Variants in SMPD3 observed in about 807,000 individuals in gnomAD.
The protein encoded by SMPD3 is nSMase-2.
In SMPD3, 21 loss-of-function variants were observed where a neutral mutation model predicts 55.7. The ratio of observed to expected loss-of-function variants is 0.38; its 90% CI spans 0.27 to 0.54. The LOEUF is 0.54. Ranked by LOEUF, SMPD3 falls within the 20% of genes least tolerant of loss-of-function variation. The pLI, the probability that SMPD3 is intolerant of heterozygous loss-of-function variation, is 0.80. For synonymous variants in SMPD3, 457 were observed against 404.3 expected (o/e 1.13, Z -1.56); for missense variants, 842 against 899.6 (o/e 0.94, Z 0.82).
At chr16:68,424,988 T>G (rs2090424678) in intron 1 of SMPD3, among the ~76,000 whole-genome samples, 1 of 152,214 alleles carries the variant, frequency 6.6e-6, no homozygotes, top group Non-Finnish European at 1.5e-5. Flanking sequence ...CTGCGATTGC[T>G]GGTATAAGCC....
At position 68,363,815 on chromosome 16, in the gene SMPD3, C is replaced by T. The variant is rs1158020591; in HGVS notation, c.1607G>A (p.Cys536Tyr). ...CTTCTCCTCACCAGGCCCCAGGCGG[C>T]AGGGGTCCCTGTAGTGGGTGAACAG... ...HSLFTHYRDP[C>Y]RLGPGEEKPW... is the part of the protein sequence containing the mutation. The change falls in exon 6 of 9, where the codon TGC becomes TAC. Residue 536 changes from cysteine to tyrosine, a missense_variant. This residue lies in a region of SMPD3 where 649 missense variants were observed against 643.6 expected (regional missense o/e 1.01). Coordinates refer to ENST00000219334, the MANE Select transcript of SMPD3 (RefSeq NM_018667.4). The T allele has an allele frequency of 6.4e-7, 1 of 1,572,116 alleles. No homozygotes were observed. Among genetic ancestry groups the T allele is most frequent in the Non-Finnish European group, 8.6e-7 (1 of 1,158,514 alleles).
At chr16:68,390,748 A>T (rs745545941) in intron 1 of SMPD3, among the ~76,000 whole-genome samples, 11 of 152,350 alleles carry the variant, frequency 7.2e-5, no homozygotes, top group Non-Finnish European at 1.3e-4. Context: ...CACCTATTCA[A>T]GATGGAGTTG....
intron 1 of SMPD3, among the ~76,000 whole-genome samples, chr16:68,429,007 C>A (rs966638240): frequency 6.6e-6 from 1 of 152,206 alleles, no homozygotes; most frequent in African/African-American, 2.4e-5. Context: ...TCTGGCTGCC[C>A]TGTGGGAGAT....
At chr16:68,362,399 G>A (rs148623670) in intron 7 of SMPD3, among the ~76,000 whole-genome samples, 11 of 152,356 alleles carry the variant, frequency 7.2e-5, no homozygotes, top group African/African-American at 1.9e-4. Flanking sequence ...TGGAGCAGGG[G>A]GATGTGACAT....
chr16:68,415,260 G>C (rs1409701276), intron 1 of SMPD3, among the ~76,000 whole-genome samples: 1 of 152,148 alleles, frequency 6.6e-6, no homozygotes, highest in African/African-American at 2.4e-5. Context: ...CTGACATTTG[G>C]GTTTGTGGAG....
intron 2 of SMPD3, among the ~76,000 whole-genome samples, chr16:68,376,567 C>T (rs2089820396): frequency 6.6e-6 from 1 of 152,238 alleles, no homozygotes; most frequent in African/African-American, 2.4e-5. Flanking sequence ...CACAGTTATC[C>T]ATGGATTTGT....
rs1180684651 is a variant in SMPD3 at position 68,404,217 on chromosome 16, T to C, written c.-268-17558A>G. Among the ~76,000 whole-genome samples the C allele has an allele frequency of 6.8e-6, 1 of 146,922 alleles. No homozygotes were observed. The highest frequency in any genetic ancestry group is 6.9e-5 in the Admixed American group (1 of 14,552). ...TTTTTTTTTTGAGATGGAGTTTCGC[T>C]CTTGTTGCCCAGGCTGGACATTACA... On this transcript the variant is annotated intron_variant, in intron 1 of 8. Coordinates refer to ENST00000219334, the MANE Select transcript of SMPD3 (RefSeq NM_018667.4). The surrounding 1 kb of genome is among the most constrained non-coding windows in gnomAD (Gnocchi z 4.0).
chr16:68,409,754 C>T (rs2090283811), intron 1 of SMPD3, among the ~76,000 whole-genome samples: 2 of 152,162 alleles, frequency 1.3e-5, no homozygotes, highest in African/African-American at 2.4e-5. Context: ...CCACCACGCC[C>T]GGCTAATTTT....
intron 1 of SMPD3, among the ~76,000 whole-genome samples, chr16:68,390,477 ATGG>A (rs1345476978): frequency 2.6e-5 from 4 of 152,186 alleles, no homozygotes; most frequent in African/African-American, 9.7e-5. Context: ...CCTGGGTAAC[ATGG>A]TGAAACCCTG....
At chr16:68,440,205 AT>A (rs2152034546) in intron 1 of SMPD3, among the ~76,000 whole-genome samples, 1 of 152,238 alleles carries the variant, frequency 6.6e-6, no homozygotes, top group East Asian at 1.9e-4. Context: ...TCTTTTTTTC[AT>A]TGTTTTTTTG....
intron 1 of SMPD3, among the ~76,000 whole-genome samples, chr16:68,397,044 C>G (rs1344435179): frequency 6.6e-6 from 1 of 152,188 alleles, no homozygotes; most frequent in Admixed American, 6.5e-5. Flanking sequence ...TGATCCCGTA[C>G]TCAGAGATGA....
chr16:68,375,508 G>T (rs2089788580), intron 2 of SMPD3, among the ~76,000 whole-genome samples: 1 of 152,226 alleles, frequency 6.6e-6, no homozygotes, highest in Non-Finnish European at 1.5e-5. Flanking sequence ...CTTCATCAAA[G>T]GGTTCCTAAG....
rs2089172045 is a variant in SMPD3 at position 68,360,248 on chromosome 16, G to C, written c.*958C>G. The C allele has an allele frequency of 6.6e-6, 1 of 152,484 alleles. No homozygotes were observed. Among genetic ancestry groups the C allele is most frequent in the African/African-American group, 2.4e-5 (1 of 41,472 alleles). The allele number at this position is 152,484 out of a possible 1,614,324, so 9.4% of individuals were successfully genotyped here. A position where few individuals can be genotyped will look rare whatever the true frequency, so the allele number is the denominator to read the frequency against. On this transcript the variant is annotated 3_prime_UTR_variant, in exon 9 of 9. Transcript: ENST00000219334. ...TGGGGGAGAGGATTGGCAGAAAGAA[G>C]AGGATGTGTTGGTTTTGATAGAAGA...
intron 1 of SMPD3, among the ~76,000 whole-genome samples, chr16:68,441,418 A>G (rs149202418): frequency 2.6e-5 from 4 of 152,362 alleles, no homozygotes; most frequent in African/African-American, 7.2e-5. Context: ...GTAGAAATAT[A>G]ATGTGAGTTA....
At chr16:68,443,059 T>A (rs1013278826) in intron 1 of SMPD3, among the ~76,000 whole-genome samples, 5 of 152,178 alleles carry the variant, frequency 3.3e-5, no homozygotes, top group Admixed American at 3.3e-4. Flanking sequence ...AGAAAAAACA[T>A]AAGTTCATTC....
chr16:68,389,194 G>T (rs928088221), intron 1 of SMPD3, among the ~76,000 whole-genome samples: 3 of 152,230 alleles, frequency 2.0e-5, no homozygotes, highest in Non-Finnish European at 4.4e-5. Flanking sequence ...AGAGCAGGGA[G>T]GGCCTGGGGG....
At chr16:68,372,822 G>A (rs1422246433) in intron 2 of SMPD3, among the ~76,000 whole-genome samples, 1 of 152,190 alleles carries the variant, frequency 6.6e-6, no homozygotes, top group Non-Finnish European at 1.5e-5. Flanking sequence ...CTGGGTCAGA[G>A]GAGCCACAAA....
At chr16:68,416,205 G>C (rs1298205963) in intron 1 of SMPD3, among the ~76,000 whole-genome samples, 1 of 152,224 alleles carries the variant, frequency 6.6e-6, no homozygotes, top group Non-Finnish European at 1.5e-5. Context: ...AGCGCTTCCT[G>C]CTGGGCCCAG....
chr16:68,419,530 C>G (rs920427213), intron 1 of SMPD3, among the ~76,000 whole-genome samples: 1 of 152,198 alleles, frequency 6.6e-6, no homozygotes, highest in Non-Finnish European at 1.5e-5. Flanking sequence ...ATGCAGCATC[C>G]AACATCTGTT....
Sources: allele counts gnomAD v4.1 joint callset (sites outside exome capture counted in the v4.1 genomes callset), GRCh38; gene constraint gnomAD v4.1.1; regional missense constraint gnomAD v4.1.1; non-coding constraint Gnocchi (gnomAD v3.1); transcripts MANE v1.5; gene names NCBI Gene and HGNC (gene_info 2026-07-23, HGNC 2026-07-21).